Variants in KCNH8 observed in about 807,000 individuals in gnomAD.
KCNH8 encodes voltage-gated delayed rectifier potassium channel KCNH8.
KCNH8 carries 70 observed loss-of-function variants against 103.6 expected under a neutral mutation model. That is an observed-to-expected ratio of 0.68 (90% CI 0.56 to 0.82). KCNH8 has a LOEUF of 0.82. Among genes scored for constraint, KCNH8 ranks in the 40% least tolerant of loss-of-function variants. The pLI is 0.00. For synonymous variants in KCNH8, 498 were observed against 489.4 expected (o/e 1.02, Z -0.23); for missense variants, 1,217 against 1,329.9 (o/e 0.92, Z 1.32).
intron 7 of KCNH8, among the ~76,000 whole-genome samples, chr3:19,403,684 C>T (rs983979485): frequency 2.6e-5 from 4 of 151,590 alleles, no homozygotes; most frequent in Non-Finnish European, 4.4e-5. Flanking sequence ...ACCACTCACA[C>T]TGATATATTT....
At chr3:19,297,885 G>A (rs553366557) in intron 3 of KCNH8, among the ~76,000 whole-genome samples, 23 of 152,240 alleles carry the variant, frequency 1.5e-4, no homozygotes, top group Non-Finnish European at 3.1e-4. Context: ...CAGAAGTACC[G>A]CTGGCTAGCC....
intron 2 of KCNH8, among the ~76,000 whole-genome samples, chr3:19,262,572 T>C (rs1354149277): frequency 1.3e-5 from 2 of 152,046 alleles, no homozygotes; most frequent in Non-Finnish European, 2.9e-5. Context: ...GCTCATAGCA[T>C]TGCATATGGA....
intron 8 of KCNH8, among the ~76,000 whole-genome samples, chr3:19,438,644 A>C (rs917295152): frequency 6.6e-6 from 1 of 152,156 alleles, no homozygotes; most frequent in East Asian, 1.9e-4. Flanking sequence ...CATCCAGCTT[A>C]CTGTTTTATC....
At chr3:19,238,337 C>A (rs1441664540) in intron 1 of KCNH8, among the ~76,000 whole-genome samples, 6 of 152,096 alleles carry the variant, frequency 3.9e-5, no homozygotes, top group Admixed American at 3.3e-4. Context: ...GCTCTCTCTT[C>A]TATGTGACAA....
intron 14 of KCNH8, among the ~76,000 whole-genome samples, chr3:19,515,792 G>A (rs1375160191): frequency 6.6e-6 from 1 of 151,966 alleles, no homozygotes; most frequent in Non-Finnish European, 1.5e-5. Context: ...TGCACTGAAG[G>A]AACATTGGTT....
chr3:19,268,074 C>T (rs1193480645), intron 2 of KCNH8, among the ~76,000 whole-genome samples: 4 of 152,050 alleles, frequency 2.6e-5, no homozygotes, highest in Non-Finnish European at 5.9e-5. Flanking sequence ...GTTTAGAATA[C>T]CTGTTATGTT....
At chr3:19,435,412 G>T (rs2067184468) in intron 7 of KCNH8, among the ~76,000 whole-genome samples, 1 of 152,098 alleles carries the variant, frequency 6.6e-6, no homozygotes, top group Non-Finnish European at 1.5e-5. Flanking sequence ...GGCTGTAATT[G>T]TACCTATTCC....
At chr3:19,395,844 C>T (rs2066508357) in intron 7 of KCNH8, among the ~76,000 whole-genome samples, 1 of 151,984 alleles carries the variant, frequency 6.6e-6, no homozygotes, top group Admixed American at 6.6e-5. Context: ...GATGGTAGAA[C>T]GGACTGGACA....
intron 5 of KCNH8, among the ~76,000 whole-genome samples, chr3:19,353,016 G>T (rs769957984): frequency 7.9e-5 from 12 of 151,276 alleles, no homozygotes; most frequent in Admixed American, 5.3e-4. Flanking sequence ...AAAGAGAGAA[G>T]AATTGAATAG....
At chr3:19,395,440 C>T in intron 7 of KCNH8, 129 bp downstream of exon 7, 1 of 603,008 alleles carries the variant, frequency 1.7e-6, no homozygotes, top group African/African-American at 1.9e-5. Context: ...TAATTAATTT[C>T]TATTTTTGAA....
Position 19,452,789 on chromosome 3 carries a change from TTC to T in KCNH8, c.1825+1389_1825+1390del, listed in dbSNP as rs569035828. On this transcript the variant is annotated intron_variant, in intron 10 of 15. Transcript: ENST00000328405. ...CAGAGAGACAGATGGTGAAGGTATTTTCTCTGATTTTTCTAAAGTCAAAGCTA... is the reference window on the plus strand; with the variant it reads ...CAGAGAGACAGATGGTGAAGGTATTTTCTGATTTTTCTAAAGTCAAAGCTA... Among the ~76,000 whole-genome samples, 5 of 152,318 alleles carry T rather than the reference TTC, an allele frequency of 3.3e-5. No individual in the cohort carries two copies. In the East Asian group the frequency reaches 9.6e-4, roughly 29 times the overall value.
chr3:19,210,194 G>T (rs555071861), intron 1 of KCNH8, among the ~76,000 whole-genome samples: 29 of 152,182 alleles, frequency 1.9e-4, no homozygotes, highest in African/African-American at 6.5e-4. Context: ...TTTTGTGAGT[G>T]AAGAGATTTG....
intron 1 of KCNH8, among the ~76,000 whole-genome samples, chr3:19,202,785 A>T (rs943493802): frequency 3.3e-5 from 5 of 152,138 alleles, no homozygotes; most frequent in African/African-American, 1.2e-4. Flanking sequence ...AACAGAGTAA[A>T]AAAAGAAATG....
chr3:19,492,077 CT>C (rs953080762), intron 11 of KCNH8, among the ~76,000 whole-genome samples: 1 of 151,968 alleles, frequency 6.6e-6, no homozygotes, highest in African/African-American at 2.4e-5. Flanking sequence ...ATAATCAGAC[CT>C]TTTTCAGATG....
In KCNH8 at chr3:19,438,337, T is replaced by G. The variant is rs1173609938; in HGVS notation, c.1351T>G (p.Ser451Ala). 6.2e-7 allele frequency: 1 copy of G among 1,613,900 alleles called. No homozygotes were observed. Among genetic ancestry groups the G allele is most frequent in the Admixed American group, 1.7e-5 (1 of 59,948 alleles). Reference protein sequence around the residue: ...SANTDAEKIFSICTMLIGALM... With the variant: ...SANTDAEKIFAICTMLIGALM... ...TAATACAGATGCAGAAAAGATCTTC[T>G]CCATCTGCACCATGCTGATTGGTGG... Residue 451 changes from serine (S) to alanine (A), a missense_variant, in exon 8 of 16, where the codon TCC becomes GCC. Coordinates refer to ENST00000328405, the MANE Select transcript of KCNH8 (RefSeq NM_144633.3).
In KCNH8 at chr3:19,185,791, G is replaced by A. The variant is rs146376695; in HGVS notation, c.76+36996G>A. ...TAGAATTCCTACATTCTAATTACTG[G>A]TAATTCTGTCAAAGCAATGGTCTTA... On this transcript the variant is annotated intron_variant, in intron 1 of 15. Transcript: ENST00000328405. 4.8e-3 allele frequency among the ~76,000 whole-genome samples: 736 copies of A among 151,906 alleles called. 4 individuals are homozygous for A. Among genetic ancestry groups the A allele is most frequent in the African/African-American group, 0.017 (699 of 41,492 alleles).
rs868466004 is a variant in KCNH8 at position 19,414,700 on chromosome 3, T to C, written c.1177+19389T>C. Among the ~76,000 whole-genome samples the C allele has an allele frequency of 9.9e-5, 15 of 152,194 alleles. 1 individual carries two copies. In the South Asian group the frequency reaches 3.1e-3, roughly 32 times the overall value. On this transcript the variant is annotated intron_variant, in intron 7 of 15. Transcript: ENST00000328405. ...CAAATTAATATTATGCTTACACTTATTGATCACAAACTATTGCATGGAAGA... is the reference window on the plus strand; with the variant it reads ...CAAATTAATATTATGCTTACACTTACTGATCACAAACTATTGCATGGAAGA...
chr3:19,511,692 G>T (rs2068785974), intron 12 of KCNH8, among the ~76,000 whole-genome samples: 1 of 151,962 alleles, frequency 6.6e-6, no homozygotes, highest in Non-Finnish European at 1.5e-5. Context: ...CAAAAAAAAA[G>T]TATGCCCTCG....
chr3:19,155,626 G>T (rs920926193), intron 1 of KCNH8, among the ~76,000 whole-genome samples: 1 of 152,096 alleles, frequency 6.6e-6, no homozygotes. Context: ...TGTCTCCCAG[G>T]CTACACACAT....
Sources: gnomAD v4.1 joint callset for allele counts (sites outside exome capture counted in the v4.1 genomes callset) on GRCh38, gnomAD v4.1.1 for gene constraint, MANE v1.5 for transcripts, NCBI Gene and HGNC (gene_info 2026-07-23, HGNC 2026-07-21) for gene names.